Variants in ANO3 observed in about 807,000 individuals in gnomAD.
The protein encoded by ANO3 is anoctamin-3.
In ANO3, 99 loss-of-function variants were observed where a neutral mutation model predicts 144.8. The observed-to-expected ratio is 0.68, with a 90% CI of 0.58 to 0.81. The LOEUF (loss-of-function observed/expected upper bound fraction) is 0.81. ANO3 is among the 30% of genes least tolerant of loss of function. The probability of loss-of-function intolerance (pLI) is 0.00; values close to 1 mark genes in which losing one functional copy is unlikely to be tolerated. For synonymous variants in ANO3, 414 were observed against 392.6 expected (o/e 1.05, Z -0.64); for missense variants, 905 against 1,202.2 (o/e 0.75, Z 3.66).
At chr11:26,441,159 C>T (rs1858505162) in intron 1 of ANO3, among the ~76,000 whole-genome samples, 1 of 133,584 alleles carries the variant, frequency 7.5e-6, no homozygotes, top group African/African-American at 2.9e-5. Flanking sequence ...GCTCTGTCGC[C>T]CAGGCTGGAG....
At chr11:26,355,011 CT>C (rs5790571) in intron 1 of ANO3, among the ~76,000 whole-genome samples, 1 of 148,344 alleles carries the variant, frequency 6.7e-6, no homozygotes, top group South Asian at 2.1e-4. Flanking sequence ...AATTGTAACT[CT>C]TTTTTTTTTT....
rs147830532 is a variant in ANO3, at chr11:26,526,175, C to A, written c.737+496C>A. On this transcript the variant is annotated intron_variant, in intron 7 of 26. Coordinates refer to ENST00000256737, the MANE Select transcript of ANO3 (RefSeq NM_031418.4). The stretch of plus-strand genomic sequence containing the variant: ...CTCTCATTCTAACCCCGGAAGGTAC[C>A]GCTCTTATCCTAGTATTGAAAACGA... Among the ~76,000 whole-genome samples the A allele has an allele frequency of 3.3e-4, 50 of 152,110 alleles. 1 individual carries two copies. The East Asian group carries it at 9.7e-3, about 29-fold the overall frequency.
intron 1 of ANO3, among the ~76,000 whole-genome samples, chr11:26,231,124 G>A (rs910496369): frequency 2.0e-5 from 3 of 151,956 alleles, no homozygotes; most frequent in Non-Finnish European, 4.4e-5. Flanking sequence ...TGATCCACCC[G>A]CCTTGGCCTC....
intron 4 of ANO3, among the ~76,000 whole-genome samples, chr11:26,488,262 A>C (rs781726050): frequency 6.6e-6 from 1 of 152,236 alleles, no homozygotes; most frequent in Non-Finnish European, 1.5e-5. Context: ...GCAGTAGAAA[A>C]GAAAACCCCA....
At chr11:26,242,980 G>A (rs1287601685) in intron 1 of ANO3, among the ~76,000 whole-genome samples, 3 of 152,080 alleles carry the variant, frequency 2.0e-5, no homozygotes, top group Non-Finnish European at 4.4e-5. Context: ...CATCACTTAA[G>A]GAGCTTGTTA....
At chr11:26,196,385 A>ATTTTAT (rs1465075916) in intron 1 of ANO3, among the ~76,000 whole-genome samples, 14 of 152,118 alleles carry the variant, frequency 9.2e-5, no homozygotes, top group South Asian at 2.1e-4. Flanking sequence ...ACAACTCAGC[A>ATTTTAT]TTTTATAGTT....
chr11:26,488,848 G>A (rs760943577), intron 4 of ANO3, among the ~76,000 whole-genome samples: 2 of 152,096 alleles, frequency 1.3e-5, no homozygotes, highest in Non-Finnish European at 2.9e-5. Context: ...CTGCTGGCTC[G>A]GGTGGCCAGG....
chr11:26,622,411 A>G (rs1403410190), intron 17 of ANO3, among the ~76,000 whole-genome samples: 2 of 148,534 alleles, frequency 1.3e-5, no homozygotes, highest in African/African-American at 5.0e-5. Flanking sequence ...ACTGGGCAAC[A>G]TGCCCAAAAG....
At chr11:26,526,831 C>T (rs942152575) in intron 7 of ANO3, among the ~76,000 whole-genome samples, 3 of 152,154 alleles carry the variant, frequency 2.0e-5, no homozygotes, top group Non-Finnish European at 2.9e-5. Context: ...GGAATGAGCT[C>T]TCATTTCCCA....
intron 14 of ANO3, chr11:26,566,912 G>T: frequency 1.5e-6 from 1 of 650,266 alleles, no homozygotes; most frequent in Non-Finnish European, 2.3e-6. Context: ...GCTGACTTAG[G>T]TAGCAGCACT....
intron 1 of ANO3, among the ~76,000 whole-genome samples, chr11:26,432,138 T>C (rs1289918977): frequency 1.3e-5 from 2 of 152,152 alleles, no homozygotes; most frequent in Non-Finnish European, 2.9e-5. Flanking sequence ...TGGTTTTGAT[T>C]TGTATTACTC....
intron 6 of ANO3, 64 bp downstream of exon 6, chr11:26,516,991 C>T: frequency 1.1e-6 from 1 of 940,968 alleles, no homozygotes; most frequent in Non-Finnish European, 1.6e-6. Context: ...CTTTGCATCA[C>T]CTTAGAGCAA....
At chr11:26,197,313 A>G (rs1374192961) in intron 1 of ANO3, among the ~76,000 whole-genome samples, 1 of 152,112 alleles carries the variant, frequency 6.6e-6, no homozygotes, top group Non-Finnish European at 1.5e-5. Flanking sequence ...TATTGAATGA[A>G]ATTAAACTAT....
chr11:26,402,504 G>A (rs1857173484), intron 1 of ANO3, among the ~76,000 whole-genome samples: 1 of 151,768 alleles, frequency 6.6e-6, no homozygotes, highest in Non-Finnish European at 1.5e-5. Context: ...GTACATTTAA[G>A]TTCCTTATAG....
At chr11:26,313,995 A>G (rs1335801340) in intron 1 of ANO3, among the ~76,000 whole-genome samples, 1 of 152,086 alleles carries the variant, frequency 6.6e-6, no homozygotes, top group African/African-American at 2.4e-5. Context: ...AGAAAAATGC[A>G]TAAGTGCTTA....
chr11:26,309,624 C>A (rs1854461720), exon 1 of ANO3: 4 of 982,758 alleles, frequency 4.1e-6, no homozygotes, highest in Non-Finnish European at 3.6e-6. Context: ...TTTTATTTTT[C>A]TCTTTTGTTC....
At chr11:26,364,897 A>T (rs931942384) in intron 1 of ANO3, among the ~76,000 whole-genome samples, 1 of 152,186 alleles carries the variant, frequency 6.6e-6, no homozygotes, top group Non-Finnish European at 1.5e-5. Context: ...AAATACAATC[A>T]TGCCTTCCCA....
rs1310559300 is a variant in ANO3, at chr11:26,385,908, T to TATATATATATATAC, written c.46+53588_46+53589insTATATATATATACA. Among the ~76,000 whole-genome samples, 953 of 149,416 alleles carry TATATATATATATAC rather than the reference T, an allele frequency of 6.4e-3. 13 individuals are homozygous for TATATATATATATAC. The highest frequency in any genetic ancestry group is 0.023 in the African/African-American group (897 of 39,776). ...CTTTGTGTGTGTATATATATTTATATACATATTTACATGTATAAGCATACA... is the reference window on the plus strand; with the variant it reads ...CTTTGTGTGTGTATATATATTTATATATATATATATATACACATATTTACATGTATAAGCATACA... On this transcript the variant is annotated intron_variant, in intron 1 of 26. Coordinates refer to ENST00000256737, the MANE Select transcript of ANO3 (RefSeq NM_031418.4).
intron 1 of ANO3, among the ~76,000 whole-genome samples, chr11:26,302,231 T>A (rs957173940): frequency 6.6e-6 from 1 of 152,322 alleles, no homozygotes; most frequent in Middle Eastern, 3.4e-3. Context: ...GTGCGGTGGC[T>A]CACGACTGTA....
Sources: gnomAD v4.1 joint callset for allele counts (sites outside exome capture counted in the v4.1 genomes callset) on GRCh38, gnomAD v4.1.1 for gene constraint, MANE v1.5 for transcripts, NCBI Gene and HGNC (gene_info 2026-07-23, HGNC 2026-07-21) for gene names.